SIAH1: variants seen among roughly 807,000 people sequenced by gnomAD.
SIAH1 encodes the protein siah E3 ubiquitin protein ligase 1.
In SIAH1, 2 loss-of-function variants were observed where a neutral mutation model predicts 20.0. The observed-to-expected ratio is 0.10, with a 90% CI of 0.04 to 0.31. The LOEUF (loss-of-function observed/expected upper bound fraction) is 0.31. Among genes scored for constraint, SIAH1 ranks in the 10% least tolerant of loss-of-function variants. The probability of loss-of-function intolerance (pLI) is 1.00; values close to 1 mark genes in which losing one functional copy is unlikely to be tolerated. For synonymous variants in SIAH1, 118 were observed against 125.3 expected, an observed-to-expected ratio of 0.94 and a Z score of 0.39; for missense variants, 119 against 355.3, an observed-to-expected ratio of 0.33 and a Z score of 5.35.
chr16:48,371,644 T>A (rs1200287195), intron 1 of SIAH1, among the ~76,000 whole-genome samples: 1 of 152,242 alleles, frequency 6.6e-6, no homozygotes, highest in Non-Finnish European at 1.5e-5. Context: ...CACACATTAC[T>A]AAAATTTTTA....
chr16:48,383,066 T>C (rs60256696), intron 1 of SIAH1, among the ~76,000 whole-genome samples: 1,879 of 152,332 alleles, frequency 0.012, 38 homozygotes, highest in African/African-American at 0.043. Flanking sequence ...TTAGAGGGAA[T>C]AGATTAATAT....
At chr16:48,373,661 TG>T in intron 1 of SIAH1, among the ~76,000 whole-genome samples, 1 of 152,330 alleles carries the variant, frequency 6.6e-6, no homozygotes, top group South Asian at 2.1e-4. Flanking sequence ...CCACCTAATA[TG>T]TTCTGAGCAC....
chr16:48,386,706 A>G (rs2151058193), upstream of SIAH1, among the ~76,000 whole-genome samples: 1 of 152,268 alleles, frequency 6.6e-6, no homozygotes, highest in African/African-American at 2.4e-5. Flanking sequence ...AGTTCGGTTC[A>G]CTTCAGTTTA....
rs995445608 is a variant in SIAH1, at chr16:48,361,538, C to A, written c.*42G>T. On this transcript the variant is annotated 3_prime_UTR_variant, in exon 2 of 2. Transcript: ENST00000394725. Reference sequence around the variant, plus strand: ...GATGGGTGCCTTATTTTCTGTGAAACTGAAGTTTTAAACACTGGCCAGAAA... The same window carrying A: ...GATGGGTGCCTTATTTTCTGTGAAAATGAAGTTTTAAACACTGGCCAGAAA... The A allele has an allele frequency of 4.4e-6, 7 of 1,593,312 alleles. No individual in the cohort carries two copies. In the African/African-American group the frequency reaches 8.0e-5, roughly 18 times the overall value.
chr16:48,371,801 C>T (rs1034886166), intron 1 of SIAH1, among the ~76,000 whole-genome samples: 7 of 152,170 alleles, frequency 4.6e-5, no homozygotes, highest in Non-Finnish European at 7.4e-5. Context: ...CTGAATACAG[C>T]CATTTACTAC....
Position 48,385,228 on chromosome 16 carries a change from A to G in SIAH1, c.-27T>C. On this transcript the variant is annotated 5_prime_UTR_variant, in exon 1 of 2. Transcript: ENST00000394725. ...CCTGTGGGCGGAGAGCGCGCCTCGG[A>G]CCCCGGTCCTGGCACCAACGCGCTC... 3.1e-6 allele frequency: 1 copy of G among 326,506 alleles called. No homozygotes were observed. The highest frequency in any genetic ancestry group is 6.4e-6 in the Non-Finnish European group (1 of 155,216). 20.2% of individuals were successfully genotyped at this position (326,506 alleles called of 1,614,324 possible).
intron 1 of SIAH1, among the ~76,000 whole-genome samples, chr16:48,373,709 C>G (rs1169061332): frequency 6.6e-6 from 1 of 152,122 alleles, no homozygotes; most frequent in African/African-American, 2.4e-5. Flanking sequence ...CGTTTTATAT[C>G]AGATGACATA....
intron 1 of SIAH1, among the ~76,000 whole-genome samples, chr16:48,378,622 T>C (rs1961173992): frequency 6.6e-6 from 1 of 152,196 alleles, no homozygotes. Flanking sequence ...ATTTAGAAAA[T>C]AAAAGTCCTA....
At chr16:48,386,144 T>C (rs544585626), upstream of SIAH1, among the ~76,000 whole-genome samples, 2 of 152,210 alleles carry the variant, frequency 1.3e-5, no homozygotes, top group African/African-American at 4.8e-5. Flanking sequence ...CTTTGATGGG[T>C]GCTATGAGCA....
In SIAH1 at chr16:48,383,744, C is replaced by T. The variant is rs984902117; in HGVS notation, c.-3+1460G>A. 2.6e-5 allele frequency among the ~76,000 whole-genome samples: 4 copies of T among 152,092 alleles called. 1 individual carries two copies. The highest frequency in any genetic ancestry group is 2.6e-4 in the Admixed American group (4 of 15,272). ...TCAGAAAGTCTGTTAATTTATCATA[C>T]AAATCTCCTTGTCCTTTTTAACAAC... On this transcript the variant is annotated intron_variant, in intron 1 of 1. Coordinates refer to ENST00000394725, the MANE Select transcript of SIAH1 (RefSeq NM_003031.4).
chr16:48,362,762 C>A lies in SIAH1; in HGVS notation c.-2-332G>T, dbSNP rs75690258. The stretch of plus-strand genomic sequence containing the variant: ...ACAACTAAAGAAACTATACAAGGAA[C>A]TGAAGTTTAATCGAATCCGTTTTGC... On this transcript the variant is annotated intron_variant, in intron 1 of 1. Coordinates refer to ENST00000394725, the MANE Select transcript of SIAH1 (RefSeq NM_003031.4). The surrounding 1 kb of genome is among the most constrained non-coding windows in gnomAD (Gnocchi z 4.2). 4.3e-6 allele frequency: 1 copy of A among 231,974 alleles called. No homozygotes were observed. The highest frequency in any genetic ancestry group is 9.2e-6 in the Non-Finnish European group (1 of 109,046). The allele number at this position is 231,974 out of a possible 1,614,324, so 14.4% of individuals were successfully genotyped here. A position where few individuals can be genotyped will look rare whatever the true frequency, so the allele number is the denominator to read the frequency against.
chr16:48,365,634 G>A (rs1388228953), intron 1 of SIAH1: 4 of 1,431,208 alleles, frequency 2.8e-6, no homozygotes, highest in East Asian at 5.0e-5. Flanking sequence ...CAGAGGTGGA[G>A]AAAGGAAGCC....
chr16:48,382,062 T>C (rs569726328), intron 1 of SIAH1, among the ~76,000 whole-genome samples: 10 of 152,212 alleles, frequency 6.6e-5, no homozygotes, highest in Admixed American at 3.9e-4. Context: ...AGGGGATATA[T>C]GGGTCTACAT....
At chr16:48,386,936 C>T (rs931609135), upstream of SIAH1, 3 of 152,284 alleles carry the variant, frequency 2.0e-5, no homozygotes, top group Non-Finnish European at 4.4e-5. Context: ...AAACACCCGG[C>T]TTTGCCAAAG....
rs188703913 is a variant in SIAH1 at position 48,377,675 on chromosome 16, C to T, written c.-3+7529G>A. Among the ~76,000 whole-genome samples, 121 of 151,862 alleles carry T rather than the reference C, an allele frequency of 8.0e-4. 2 individuals carry two copies. In the East Asian group the frequency reaches 0.021, roughly 26 times the overall value. ...CTCCCCAAAGTGCTGGGATTACAGG[C>T]GTGAGCCGCCACGCTGAGCCTCCTG... is the stretch of plus-strand genomic sequence containing the variant. On this transcript the variant is annotated intron_variant, in intron 1 of 1. Transcript: ENST00000394725.
Position 48,362,441 on chromosome 16 carries a change from T to C in SIAH1, c.-2-11A>G. On this transcript the variant is annotated splice_polypyrimidine_tract_variant and intron_variant, in intron 1 of 1. Coordinates refer to ENST00000394725, the MANE Select transcript of SIAH1 (RefSeq NM_003031.4). The surrounding 1 kb of genome is among the most constrained non-coding windows in gnomAD (Gnocchi z 4.2). The stretch of plus-strand genomic sequence containing the variant: ...TCTGACGGCTCATTTCTGAAATAAA[T>C]ACATAAGGAGGCAGGAGAAAAATAA... 1 of 1,613,316 alleles carries C rather than the reference T, an allele frequency of 6.2e-7. No individual in the cohort carries two copies. Among genetic ancestry groups the C allele is most frequent in the African/African-American group, 1.3e-5 (1 of 75,000 alleles).
chr16:48,385,247 C>T lies in SIAH1; in HGVS notation c.-46G>A. ...CCTCGGACCCCGGTCCTGGCACCAA[C>T]GCGCTCCGTCGCCAACCCCCGCCAC... On this transcript the variant is annotated 5_prime_UTR_variant, in exon 1 of 2. Transcript: ENST00000394725. 1 of 322,686 alleles carries T rather than the reference C, an allele frequency of 3.1e-6. No individual in the cohort carries two copies. Among genetic ancestry groups the T allele is most frequent in the South Asian group, 2.1e-5 (1 of 47,674 alleles). The allele number at this position is 322,686 out of a possible 1,614,324, so 20.0% of individuals were successfully genotyped here.
At chr16:48,384,896 GCCGCCGAGGCCCTTCCC>G (rs1261379622) in intron 1 of SIAH1, among the ~76,000 whole-genome samples, 1 of 144,900 alleles carries the variant, frequency 6.9e-6, no homozygotes, top group Non-Finnish European at 1.5e-5. Flanking sequence ...GGGCCGGGCC[GCCGCCGAGGCCCTTCCC>G]CCGCCCTCGG....
chr16:48,376,211 C>T (rs764333809), intron 1 of SIAH1, among the ~76,000 whole-genome samples: 10 of 152,112 alleles, frequency 6.6e-5, no homozygotes, highest in Admixed American at 3.9e-4. Context: ...GGAGGGATTT[C>T]GGTATCTCTC....
Sources: gnomAD v4.1 joint callset for allele counts (sites outside exome capture counted in the v4.1 genomes callset) on GRCh38, gnomAD v4.1.1 for gene constraint, Gnocchi (gnomAD v3.1) non-coding constraint, MANE v1.5 for transcripts, NCBI Gene and HGNC (gene_info 2026-07-23, HGNC 2026-07-21) for gene names.